The following STIM1 variants were observed in gnomAD, a reference collection of about 807,000 sequenced individuals.
STIM1 encodes the protein stromal interaction molecule 1.
STIM1 carries 25 observed loss-of-function variants against 74.7 expected under a neutral mutation model. The ratio of observed to expected loss-of-function variants is 0.33; its 90% CI spans 0.24 to 0.47. The LOEUF (loss-of-function observed/expected upper bound fraction) is 0.47, where lower values mean the gene tolerates loss of function less well. STIM1 is among the 20% of genes least tolerant of loss of function. STIM1 has a pLI of 1.00. For synonymous variants in STIM1, 328 were observed against 348.8 expected, an observed-to-expected ratio of 0.94 and a Z score of 0.66; for missense variants, 728 against 920.8, an observed-to-expected ratio of 0.79 and a Z score of 2.71.
At chr11:3,978,503 G>A (rs1200918720) in intron 2 of STIM1, among the ~76,000 whole-genome samples, 2 of 148,666 alleles carry the variant, frequency 1.3e-5, no homozygotes, top group Non-Finnish European at 3.0e-5. Context: ...GCTCATGCCT[G>A]TAATCCCAGC....
intron 1 of STIM1, among the ~76,000 whole-genome samples, chr11:3,863,173 C>T (rs577186391): frequency 2.6e-5 from 4 of 151,646 alleles, no homozygotes; most frequent in East Asian, 3.9e-4. Flanking sequence ...GGATTACAGG[C>T]GTGAGCCACC....
At chr11:4,074,437 C>T (rs2094424997) in intron 6 of STIM1, 65 bp from the exon 7 acceptor site, 2 of 1,559,876 alleles carry the variant, frequency 1.3e-6, no homozygotes, top group East Asian at 2.2e-5. Flanking sequence ...GATGCCATGA[C>T]TCATGGCATG....
chr11:4,044,232 A>C (rs1216683710), intron 3 of STIM1, among the ~76,000 whole-genome samples: 1 of 152,104 alleles, frequency 6.6e-6, no homozygotes, highest in Non-Finnish European at 1.5e-5. Context: ...TCTTGCTTGC[A>C]TGTCCTCCTG....
intron 1 of STIM1, among the ~76,000 whole-genome samples, chr11:3,900,882 A>G (rs1202389113): frequency 6.6e-6 from 1 of 152,050 alleles, no homozygotes; most frequent in Non-Finnish European, 1.5e-5. Flanking sequence ...GGCCCAATGC[A>G]TTGTTTTAAG....
intron 5 of STIM1, among the ~76,000 whole-genome samples, chr11:4,062,614 C>CCT (rs957732011): frequency 2.6e-5 from 4 of 152,004 alleles, no homozygotes; most frequent in African/African-American, 4.8e-5. Flanking sequence ...AGGGTGAGAC[C>CCT]CTCTCTCAAA....
At chr11:4,018,031 G>C (rs1464661536) in intron 2 of STIM1, among the ~76,000 whole-genome samples, 2 of 152,228 alleles carry the variant, frequency 1.3e-5, no homozygotes, top group Admixed American at 1.3e-4. Flanking sequence ...AGCCTAAAAA[G>C]TCAGCTGGGT....
intron 1 of STIM1, among the ~76,000 whole-genome samples, chr11:3,908,835 C>T (rs890501456): frequency 6.6e-6 from 1 of 152,152 alleles, no homozygotes; most frequent in Non-Finnish European, 1.5e-5. Flanking sequence ...TGCTCATTCA[C>T]TCACTTGGGA....
chr11:4,037,301 T>C (rs925881229), intron 3 of STIM1, among the ~76,000 whole-genome samples: 5 of 152,210 alleles, frequency 3.3e-5, no homozygotes, highest in Non-Finnish European at 7.3e-5. Context: ...TCTGCCTTCC[T>C]CAACCTCACA....
chr11:4,017,975 C>G (rs2093914713), intron 2 of STIM1, among the ~76,000 whole-genome samples: 1 of 152,188 alleles, frequency 6.6e-6, no homozygotes, highest in South Asian at 2.1e-4. Flanking sequence ...GTTCAAATCC[C>G]TGTAACAGCT....
intron 2 of STIM1, among the ~76,000 whole-genome samples, chr11:3,971,006 T>G (rs1446975170): frequency 6.6e-6 from 1 of 152,182 alleles, no homozygotes; most frequent in African/African-American, 2.4e-5. Flanking sequence ...GGGTCACAAC[T>G]TTGTCTAAAG....
Position 3,896,595 on chromosome 11 carries a change from C to T in STIM1, c.139+40186C>T, listed in dbSNP as rs566601360. ...TAGTAATTTCTTCCCTCATGGAATA[C>T]GTAATTTGGTGATACTGCTATGGCA... On this transcript the variant is annotated intron_variant, in intron 1 of 12. Transcript: ENST00000526596. Among the ~76,000 whole-genome samples the T allele has an allele frequency of 8.5e-5, 13 of 152,288 alleles. 1 individual carries two copies. In the South Asian group the frequency reaches 1.2e-3, roughly 15 times the overall value.
chr11:3,893,588 C>T (rs1003735105), intron 1 of STIM1, among the ~76,000 whole-genome samples: 17 of 151,910 alleles, frequency 1.1e-4, no homozygotes, highest in Admixed American at 6.6e-4. Flanking sequence ...CTTTCTTGCT[C>T]ATTAGCAATA....
chr11:3,936,640 A>G lies in STIM1; in HGVS notation c.140-30912A>G, dbSNP rs117517398. Reference sequence around the variant, plus strand: ...AACATAGAAAATGAGAAGAGATGATAGTCTCATATGTTCTGAGAGTGACCT... The same window carrying G: ...AACATAGAAAATGAGAAGAGATGATGGTCTCATATGTTCTGAGAGTGACCT... On this transcript the variant is annotated intron_variant, in intron 1 of 12. Transcript: ENST00000526596. Among the ~76,000 whole-genome samples the G allele has an allele frequency of 1.2e-3, 184 of 152,342 alleles. 5 individuals are homozygous for G. The East Asian group carries it at 0.029, about 24-fold the overall frequency.
At chr11:3,901,487 C>T (rs905152738) in intron 1 of STIM1, among the ~76,000 whole-genome samples, 2 of 152,096 alleles carry the variant, frequency 1.3e-5, no homozygotes, top group Admixed American at 6.5e-5. Context: ...GGCCAGCTGT[C>T]CTTTAGTTGA....
At chr11:3,998,343 ACT>A (rs1309291405) in intron 2 of STIM1, among the ~76,000 whole-genome samples, 2 of 151,926 alleles carry the variant, frequency 1.3e-5, no homozygotes, top group Middle Eastern at 3.2e-3. Flanking sequence ...AGCTAGTGTA[ACT>A]CTCTGGCTCC....
chr11:4,038,936 A>T (rs1387857444), intron 3 of STIM1, among the ~76,000 whole-genome samples: 1 of 152,210 alleles, frequency 6.6e-6, no homozygotes, highest in Non-Finnish European at 1.5e-5. Flanking sequence ...AGAAATAAAG[A>T]TACTGTTAAA....
chr11:3,921,789 T>A (rs1237722688), intron 1 of STIM1: 1 of 152,228 alleles, frequency 6.6e-6, no homozygotes, highest in Non-Finnish European at 1.5e-5. Flanking sequence ...TCTCTGTCTC[T>A]TAAATTATTC....
At chr11:3,864,209 C>T (rs1049206704) in intron 1 of STIM1, among the ~76,000 whole-genome samples, 6 of 152,216 alleles carry the variant, frequency 3.9e-5, no homozygotes, top group South Asian at 2.1e-4. Flanking sequence ...GCTTCACCTG[C>T]AGTCTTGAAA....
At chr11:3,857,924 C>T (rs553461651) in intron 1 of STIM1, among the ~76,000 whole-genome samples, 1 of 152,234 alleles carries the variant, frequency 6.6e-6, no homozygotes, top group African/African-American at 2.4e-5. Context: ...TCCTTTTTGC[C>T]TATTAATCCT....
Sources: gnomAD v4.1 joint callset for allele counts (sites outside exome capture counted in the v4.1 genomes callset) on GRCh38, gnomAD v4.1.1 for gene constraint, MANE v1.5 for transcripts, NCBI Gene and HGNC (gene_info 2026-07-23, HGNC 2026-07-21) for gene names.